NKAIN2: variants seen among roughly 807,000 people sequenced by gnomAD.
The protein encoded by NKAIN2 is sodium/potassium-transporting ATPase subunit beta-1-interacting protein 2.
Under a neutral mutation model 32.6 loss-of-function variants are expected in NKAIN2, and 14 were observed. The observed-to-expected ratio is 0.43, with a 90% CI of 0.28 to 0.67. NKAIN2 has a LOEUF of 0.67. NKAIN2 is among the 30% of genes least tolerant of loss of function. The probability of loss-of-function intolerance (pLI) is 0.17; values close to 1 mark genes in which losing one functional copy is unlikely to be tolerated. For synonymous variants in NKAIN2, 80 were observed against 87.2 expected (o/e 0.92, Z 0.46); for missense variants, 198 against 258.3 (o/e 0.77, Z 1.60).
At chr6:124,348,544 G>T (rs1798557799) in intron 2 of NKAIN2, among the ~76,000 whole-genome samples, 1 of 152,212 alleles carries the variant, frequency 6.6e-6, no homozygotes, top group South Asian at 2.1e-4. Context: ...AATGGCGGGT[G>T]CCCCTCCCCC....
chr6:124,362,300 A>G (rs952452653), intron 3 of NKAIN2, among the ~76,000 whole-genome samples: 1 of 152,116 alleles, frequency 6.6e-6, no homozygotes, highest in Non-Finnish European at 1.5e-5. Flanking sequence ...GCAGGGAAAG[A>G]TATTCGACCT....
intron 3 of NKAIN2, among the ~76,000 whole-genome samples, chr6:124,611,255 ATAAAT>A (rs1782678148): frequency 1.3e-5 from 2 of 152,224 alleles, no homozygotes; most frequent in African/African-American, 4.8e-5. Flanking sequence ...AGCTTAAGAC[ATAAAT>A]TAAAGGTGTG....
At chr6:124,269,464 C>CT (rs1794651529) in intron 1 of NKAIN2, among the ~76,000 whole-genome samples, 1 of 139,230 alleles carries the variant, frequency 7.2e-6, no homozygotes, top group Non-Finnish European at 1.6e-5. Flanking sequence ...TTTTTTTTTT[C>CT]TTTTTCTTTT....
chr6:124,814,848 A>AT (rs1271926292), intron 5 of NKAIN2, among the ~76,000 whole-genome samples: 3 of 152,030 alleles, frequency 2.0e-5, no homozygotes, highest in South Asian at 2.1e-4. Context: ...ATTATCATCT[A>AT]TTTTTTTTCT....
At chr6:124,164,637 T>A (rs974418435) in intron 1 of NKAIN2, among the ~76,000 whole-genome samples, 1 of 152,088 alleles carries the variant, frequency 6.6e-6, no homozygotes, top group Non-Finnish European at 1.5e-5. Flanking sequence ...AATCTTTTTT[T>A]CTTTCAATTT....
chr6:123,826,426 C>G (rs1292623289), intron 1 of NKAIN2, among the ~76,000 whole-genome samples: 1 of 152,078 alleles, frequency 6.6e-6, no homozygotes, highest in Non-Finnish European at 1.5e-5. Context: ...TAAGTACATT[C>G]ATATTGTGGT....
intron 3 of NKAIN2, among the ~76,000 whole-genome samples, chr6:124,362,093 C>G (rs1476225203): frequency 1.3e-5 from 2 of 151,894 alleles, no homozygotes; most frequent in African/African-American, 4.8e-5. Context: ...TACTATTAAA[C>G]AAAGACTACC....
intron 5 of NKAIN2, among the ~76,000 whole-genome samples, chr6:124,814,601 CA>C (rs1781062087): frequency 6.6e-6 from 1 of 152,130 alleles, no homozygotes; most frequent in Non-Finnish European, 1.5e-5. Flanking sequence ...ACCTACACAG[CA>C]TACAGATCAT....
intron 1 of NKAIN2, among the ~76,000 whole-genome samples, chr6:124,088,576 T>G (rs1345419392): frequency 2.0e-5 from 3 of 152,068 alleles, no homozygotes; most frequent in Admixed American, 1.3e-4. Context: ...TTTTACCTGC[T>G]GAAGACAGTA....
intron 1 of NKAIN2, among the ~76,000 whole-genome samples, chr6:124,142,738 T>G (rs918450059): frequency 6.6e-6 from 1 of 152,206 alleles, no homozygotes; most frequent in African/African-American, 2.4e-5. Flanking sequence ...AGGTCATAAA[T>G]TAGGGGATTA....
intron 1 of NKAIN2, among the ~76,000 whole-genome samples, chr6:124,258,336 T>C (rs1345736896): frequency 6.6e-6 from 1 of 152,136 alleles, no homozygotes; most frequent in Non-Finnish European, 1.5e-5. Context: ...AAATAAAGGA[T>C]CAGAACTTAA....
chr6:124,539,334 A>C (rs1192641486), intron 3 of NKAIN2, among the ~76,000 whole-genome samples: 1 of 152,096 alleles, frequency 6.6e-6, no homozygotes, highest in African/African-American at 2.4e-5. Flanking sequence ...GTTGCATAAT[A>C]TCTCTCCTGC....
intron 1 of NKAIN2, among the ~76,000 whole-genome samples, chr6:123,884,830 T>G (rs1378149201): frequency 6.6e-6 from 1 of 152,114 alleles, no homozygotes; most frequent in Non-Finnish European, 1.5e-5. Context: ...AGATTACTAT[T>G]TCAGCTGAGC....
chr6:124,636,123 A>T (rs149227988), intron 3 of NKAIN2, among the ~76,000 whole-genome samples: 1 of 151,960 alleles, frequency 6.6e-6, no homozygotes, highest in Non-Finnish European at 1.5e-5. Flanking sequence ...AAAACTAGAA[A>T]TAAATAACAA....
At chr6:124,044,999 T>C (rs1343119189) in intron 1 of NKAIN2, among the ~76,000 whole-genome samples, 1 of 152,012 alleles carries the variant, frequency 6.6e-6, no homozygotes, top group Non-Finnish European at 1.5e-5. Context: ...TCTGATATTT[T>C]GGAAGAGTAG....
intron 2 of NKAIN2, 36 bp from the exon 3 acceptor site, chr6:124,355,231 T>C: frequency 7.3e-7 from 1 of 1,364,844 alleles, no homozygotes; most frequent in Non-Finnish European, 1.0e-6. Flanking sequence ...TGATTCCAAA[T>C]TAATTATACG....
intron 4 of NKAIN2, among the ~76,000 whole-genome samples, chr6:124,789,049 C>G (rs1048591032): frequency 1.3e-5 from 2 of 151,898 alleles, no homozygotes; most frequent in African/African-American, 4.8e-5. Flanking sequence ...AAGGAGCTCC[C>G]CAGATAGTTA....
intron 3 of NKAIN2, among the ~76,000 whole-genome samples, chr6:124,464,224 G>A (rs1003143422): frequency 6.6e-6 from 1 of 152,054 alleles, no homozygotes; most frequent in South Asian, 2.1e-4. Flanking sequence ...GTGACCTCAA[G>A]TAATCTGCCT....
At chr6:124,246,538 A>C (rs1316629707) in intron 1 of NKAIN2, among the ~76,000 whole-genome samples, 1 of 152,044 alleles carries the variant, frequency 6.6e-6, no homozygotes, top group Non-Finnish European at 1.5e-5. Flanking sequence ...GGTTGTCTTA[A>C]AAGTTTTATG....
Sources: gnomAD v4.1 joint callset for allele counts (sites outside exome capture counted in the v4.1 genomes callset) on GRCh38, gnomAD v4.1.1 for gene constraint, MANE v1.5 for transcripts, NCBI Gene and HGNC (gene_info 2026-07-23, HGNC 2026-07-21) for gene names.